Variants in KIAA1217 observed in about 807,000 individuals in gnomAD.
KIAA1217 encodes sickle tail protein homolog.
Under a neutral mutation model 163.9 loss-of-function variants are expected in KIAA1217, and 88 were observed. The observed-to-expected ratio is 0.54, with a 90% CI of 0.45 to 0.64. The LOEUF is 0.64. KIAA1217 is among the 30% of genes least tolerant of loss of function. The probability of loss-of-function intolerance (pLI) is 0.00; values close to 1 mark genes in which losing one functional copy is unlikely to be tolerated. For missense variants in KIAA1217, 2,372 were observed against 2,475.0 expected (o/e 0.96, Z 0.88); for synonymous variants, 903 against 923.1 (o/e 0.98, Z 0.39).
chr10:24,344,815 T>C (rs183725869), intron 2 of KIAA1217, among the ~76,000 whole-genome samples: 241 of 152,338 alleles, frequency 1.6e-3, no homozygotes, highest in Non-Finnish European at 2.6e-3. Context: ...TCCATATGTT[T>C]AATGGTAGGA....
At chr10:24,054,402 T>C (rs948702252) in intron 2 of KIAA1217, among the ~76,000 whole-genome samples, 3 of 151,908 alleles carry the variant, frequency 2.0e-5, no homozygotes, top group African/African-American at 7.3e-5. Flanking sequence ...TGGAGGGGGA[T>C]AGAAAAGAGA....
chr10:24,149,280 A>G (rs1303862909), intron 2 of KIAA1217, among the ~76,000 whole-genome samples: 3 of 152,146 alleles, frequency 2.0e-5, no homozygotes, highest in Admixed American at 6.5e-5. Context: ...CCTGGGTTTA[A>G]GCAATTCTCC....
At chr10:24,287,389 G>C (rs933629120) in intron 2 of KIAA1217, among the ~76,000 whole-genome samples, 1 of 152,142 alleles carries the variant, frequency 6.6e-6, no homozygotes, top group Non-Finnish European at 1.5e-5. Flanking sequence ...AGGTCAGTGA[G>C]AGCCTGTGTG....
At position 24,370,264 on chromosome 10, in the gene KIAA1217, C is replaced by CAAAAAAAA. The variant is rs5783891; in HGVS notation, c.355-10591_355-10584dup. On this transcript the variant is annotated intron_variant, in intron 2 of 20. Coordinates refer to ENST00000376454, the MANE Select transcript of KIAA1217 (RefSeq NM_019590.5). ...TGGGCAACAGAGCGAGACTCTGTCTCAAAAAAAAAAAAAAAAAAAAAGACA... is the reference window on the plus strand; with the variant it reads ...TGGGCAACAGAGCGAGACTCTGTCTCAAAAAAAAAAAAAAAAAAAAAAAAAAAAAGACA... Among the ~76,000 whole-genome samples, 293 of 73,384 alleles carry CAAAAAAAA rather than the reference C, an allele frequency of 4.0e-3. 5 individuals are homozygous for CAAAAAAAA. Among genetic ancestry groups the CAAAAAAAA allele is most frequent in the African/African-American group, 0.011 (212 of 19,380 alleles). The allele number at this position is 73,384 out of a possible 152,430, so 48.1% of individuals were successfully genotyped here.
intron 8 of KIAA1217, among the ~76,000 whole-genome samples, chr10:24,497,339 CA>C (rs2066917029): frequency 6.6e-6 from 1 of 152,132 alleles, no homozygotes; most frequent in African/African-American, 2.4e-5. Context: ...ATTTAACACA[CA>C]AAACCCTATA....
At chr10:24,093,654 TTTA>T in intron 2 of KIAA1217, among the ~76,000 whole-genome samples, 1 of 151,666 alleles carries the variant, frequency 6.6e-6, no homozygotes, top group East Asian at 1.9e-4. Context: ...TTTTTTAAAT[TTTA>T]TTATTATTAT....
intron 2 of KIAA1217, among the ~76,000 whole-genome samples, chr10:24,065,565 TG>T (rs2060907450): frequency 6.6e-6 from 1 of 152,202 alleles, no homozygotes; most frequent in Admixed American, 6.5e-5. Context: ...CTTCCAACTA[TG>T]TGGTCAATTT....
At chr10:23,918,075 T>C (rs1842697275) in intron 1 of KIAA1217, among the ~76,000 whole-genome samples, 1 of 151,890 alleles carries the variant, frequency 6.6e-6, no homozygotes, top group Non-Finnish European at 1.5e-5. Context: ...TGCAGTGGTG[T>C]GATCATGGCT....
At chr10:24,394,465 A>T (rs2055434320) in intron 3 of KIAA1217, among the ~76,000 whole-genome samples, 5 of 151,486 alleles carry the variant, frequency 3.3e-5, no homozygotes, top group Admixed American at 3.3e-4. Flanking sequence ...TTTTTTTTTA[A>T]TCTCCATTCA....
intron 2 of KIAA1217, among the ~76,000 whole-genome samples, chr10:24,047,275 A>T (rs1356021199): frequency 6.6e-6 from 1 of 152,166 alleles, no homozygotes; most frequent in Non-Finnish European, 1.5e-5. Context: ...TCCATCACAC[A>T]TGACCTGGTG....
chr10:24,256,556 G>C (rs2075181884), intron 2 of KIAA1217, among the ~76,000 whole-genome samples: 1 of 152,098 alleles, frequency 6.6e-6, no homozygotes. Context: ...AAAAAGCACA[G>C]TCCCCACATT....
At chr10:23,884,563 T>C (rs997099732) in intron 1 of KIAA1217, among the ~76,000 whole-genome samples, 29 of 151,992 alleles carry the variant, frequency 1.9e-4, no homozygotes, top group African/African-American at 6.8e-4. Flanking sequence ...CTTCAGCTAA[T>C]TTAGCCTGTA....
chr10:24,212,561 G>T (rs1268640309), intron 1 of KIAA1217, among the ~76,000 whole-genome samples: 1 of 152,150 alleles, frequency 6.6e-6, no homozygotes, highest in Non-Finnish European at 1.5e-5. Flanking sequence ...AGCAAAAGTG[G>T]AATAAAAATC....
At chr10:24,520,064 C>A in intron 10 of KIAA1217, 59 bp from the exon 11 acceptor site, 1 of 1,551,612 alleles carries the variant, frequency 6.4e-7, no homozygotes, top group Non-Finnish European at 8.7e-7. Context: ...CTCGGCCCCT[C>A]CTCTTCCTCT....
At chr10:23,934,557 GTA>G (rs778185120) in intron 1 of KIAA1217, among the ~76,000 whole-genome samples, 10,443 of 43,948 alleles carry the variant, frequency 0.24, 1,355 homozygotes, top group Non-Finnish European at 0.31. Flanking sequence ...GGTCTTTAAA[GTA>G]TATATATATA....
chr10:23,907,870 A>T (rs1004898953), intron 1 of KIAA1217, among the ~76,000 whole-genome samples: 2 of 152,124 alleles, frequency 1.3e-5, no homozygotes, highest in African/African-American at 4.8e-5. Flanking sequence ...CCCTATGGGG[A>T]AAAAACAATG....
At chr10:24,329,261 TA>T (rs1477712350) in intron 2 of KIAA1217, among the ~76,000 whole-genome samples, 1 of 148,478 alleles carries the variant, frequency 6.7e-6, no homozygotes, top group Non-Finnish European at 1.5e-5. Flanking sequence ...AGTATATAAA[TA>T]GTACAAATAT....
At chr10:23,873,856 G>T (rs1840571079) in intron 1 of KIAA1217, among the ~76,000 whole-genome samples, 1 of 152,056 alleles carries the variant, frequency 6.6e-6, no homozygotes, top group South Asian at 2.1e-4. Context: ...ACGACAGTAA[G>T]GCATTCAAAT....
At chr10:23,960,398 C>T (rs540277564) in intron 1 of KIAA1217, among the ~76,000 whole-genome samples, 2 of 152,236 alleles carry the variant, frequency 1.3e-5, no homozygotes, top group East Asian at 1.9e-4. Context: ...GCCGGGATTA[C>T]AGGCACGTGC....
Sources: allele counts gnomAD v4.1 joint callset (sites outside exome capture counted in the v4.1 genomes callset), GRCh38; gene constraint gnomAD v4.1.1; transcripts MANE v1.5; gene names NCBI Gene and HGNC (gene_info 2026-07-23, HGNC 2026-07-21).